The following PKD1L1 variants were observed in gnomAD, a reference collection of about 807,000 sequenced individuals.
PKD1L1 encodes the protein polycystin 1 like 1, transient receptor potential channel interacting, also known as polycystin-1-like protein 1.
PKD1L1 carries 236 observed loss-of-function variants against 323.4 expected under a neutral mutation model. The observed-to-expected ratio is 0.73, with a 90% CI of 0.66 to 0.81. The LOEUF is 0.81. Ranked by LOEUF, PKD1L1 falls within the 40% of genes least tolerant of loss-of-function variation. PKD1L1 has a pLI of 0.00. For synonymous variants in PKD1L1, 1,344 were observed against 1,335.0 expected, an observed-to-expected ratio of 1.01 and a Z score of -0.15; for missense variants, 3,320 against 3,508.0, an observed-to-expected ratio of 0.95 and a Z score of 1.35.
intron 8 of PKD1L1, among the ~76,000 whole-genome samples, chr7:47,909,300 G>A (rs35389440): frequency 0.18 from 26,728 of 152,110 alleles, 3,079 homozygotes; most frequent in African/African-American, 0.31. Flanking sequence ...CCTCTCAGCT[G>A]AGCTGGTTCC....
chr7:47,880,065 C>T lies in PKD1L1; in HGVS notation c.3520+663G>A, dbSNP rs192125668. Among the ~76,000 whole-genome samples, 451 of 150,428 alleles carry T rather than the reference C, an allele frequency of 3.0e-3. 1 individual carries two copies. Among genetic ancestry groups the T allele is most frequent in the Non-Finnish European group, 4.7e-3 (318 of 67,780 alleles). On this transcript the variant is annotated intron_variant, in intron 21 of 56. Transcript: ENST00000289672. Reference sequence around the variant, plus strand: ...TCTCAGATTGAGATAGGCATGGAAACGCAAGAAGGAATGCAGAGCAAGGGT... The same window carrying T: ...TCTCAGATTGAGATAGGCATGGAAATGCAAGAAGGAATGCAGAGCAAGGGT...
intron 44 of PKD1L1, among the ~76,000 whole-genome samples, chr7:47,827,732 A>T (rs1384136644): frequency 6.6e-6 from 1 of 152,170 alleles, no homozygotes; most frequent in South Asian, 2.1e-4. Context: ...TATTACAAAG[A>T]GCTGCTGTAC....
At chr7:47,847,243 T>G (rs1785685593) in intron 31 of PKD1L1, among the ~76,000 whole-genome samples, 172 bp from the exon 32 acceptor site, 1 of 152,188 alleles carries the variant, frequency 6.6e-6, no homozygotes, top group Non-Finnish European at 1.5e-5. Flanking sequence ...GCATTTAAAT[T>G]TGGATTAAAT....
At chr7:47,929,885 G>A (rs965662823) in intron 6 of PKD1L1, among the ~76,000 whole-genome samples, 6 of 152,312 alleles carry the variant, frequency 3.9e-5, no homozygotes, top group Admixed American at 6.5e-5. Context: ...TGATTTAATA[G>A]ACACGAAAGA....
chr7:47,866,443 T>C lies in PKD1L1; in HGVS notation c.4068A>G (p.Val1356=), dbSNP rs774772164. The C allele has an allele frequency of 1.9e-6, 3 of 1,613,608 alleles. No homozygotes were observed. The highest frequency in any genetic ancestry group is 3.3e-5 in the Admixed American group (2 of 59,936). Reference sequence around the variant, plus strand: ...CCTGATCTACAAAAGCCAATCTGCATACTGAAGAAATTAATGCATCCTGTA... The same window carrying C: ...CCTGATCTACAAAAGCCAATCTGCACACTGAAGAAATTAATGCATCCTGTA... ...SRIQDALISS[V]CRLAFVDQEE... is the part of the protein sequence containing the mutation. The change falls in exon 25 of 57, where the codon GTA becomes GTG. Residue 1356 remains valine (V), a synonymous_variant. Transcript: ENST00000289672.
chr7:47,825,616 T>G (rs1228536595), intron 45 of PKD1L1, among the ~76,000 whole-genome samples: 1 of 152,186 alleles, frequency 6.6e-6, no homozygotes, highest in Non-Finnish European at 1.5e-5. Context: ...ACAAATAGTT[T>G]CTTTTTACGT....
At chr7:47,907,814 T>C (rs148017400) in intron 9 of PKD1L1, among the ~76,000 whole-genome samples, 1 of 152,318 alleles carries the variant, frequency 6.6e-6, no homozygotes, top group East Asian at 1.9e-4. Flanking sequence ...TAATGTCGTG[T>C]CTCATCTTGC....
At chr7:47,816,929 T>C (rs904575638) in intron 46 of PKD1L1, among the ~76,000 whole-genome samples, 2 of 152,150 alleles carry the variant, frequency 1.3e-5, no homozygotes, top group Non-Finnish European at 2.9e-5. Flanking sequence ...TGATGTCACA[T>C]TGGTGGTGTG....
intron 45 of PKD1L1, among the ~76,000 whole-genome samples, chr7:47,826,645 C>T (rs1033543542): frequency 3.9e-5 from 6 of 151,986 alleles, no homozygotes; most frequent in African/African-American, 1.2e-4. Context: ...ATTCATGTTC[C>T]GAATTTGAAG....
At position 47,783,933 on chromosome 7, in the gene PKD1L1, A is replaced by G. The variant is rs763747643; in HGVS notation, c.8526+8694T>C. Among the ~76,000 whole-genome samples, 5 of 152,360 alleles carry G rather than the reference A, an allele frequency of 3.3e-5. No individual in the cohort carries two copies. The East Asian group carries it at 9.6e-4, about 29-fold the overall frequency. ...TCAAAAAGAAGCCAGCCGACAGTGT[A>G]TTTTAGTCCTTGAGAATTCAACTTT... On this transcript the variant is annotated intron_variant, in intron 56 of 56. Transcript: ENST00000289672.
chr7:47,947,393 G>A (rs1388094736), intron 1 of PKD1L1, among the ~76,000 whole-genome samples: 1 of 152,246 alleles, frequency 6.6e-6, no homozygotes, highest in Non-Finnish European at 1.5e-5. Flanking sequence ...TGGGGGTGAG[G>A]AGGTAAAGTG....
intron 31 of PKD1L1, among the ~76,000 whole-genome samples, chr7:47,850,042 TAA>T: frequency 1.3e-5 from 2 of 152,146 alleles, no homozygotes; most frequent in South Asian, 4.1e-4. Flanking sequence ...GGGTGAGAGA[TAA>T]AAGACTACAC....
At chr7:47,904,951 C>G (rs114861056) in intron 11 of PKD1L1, among the ~76,000 whole-genome samples, 1 of 152,214 alleles carries the variant, frequency 6.6e-6, no homozygotes, top group East Asian at 1.9e-4. Flanking sequence ...AGCCCTACAC[C>G]GTTTCCCTTA....
intron 53 of PKD1L1, among the ~76,000 whole-genome samples, 165 bp downstream of exon 53, chr7:47,803,045 T>C (rs941544118): frequency 6.6e-6 from 1 of 152,242 alleles, no homozygotes; most frequent in Non-Finnish European, 1.5e-5. Context: ...ACTATGTAAC[T>C]ATTGATATCA....
intron 46 of PKD1L1, among the ~76,000 whole-genome samples, chr7:47,820,506 C>T (rs529577141): frequency 6.6e-6 from 1 of 152,272 alleles, no homozygotes; most frequent in East Asian, 1.9e-4. Flanking sequence ...GGGTGGATCA[C>T]TTGAGGTCAG....
chr7:47,884,855 C>T (rs1583647556), intron 18 of PKD1L1, among the ~76,000 whole-genome samples, 198 bp from the exon 19 acceptor site: 1 of 152,042 alleles, frequency 6.6e-6, no homozygotes, highest in Admixed American at 6.6e-5. Context: ...TTCATTGCCC[C>T]GGGGCCCCAG....
chr7:47,783,113 G>C (rs1183209230), intron 56 of PKD1L1, among the ~76,000 whole-genome samples: 10 of 152,058 alleles, frequency 6.6e-5, no homozygotes, highest in African/African-American at 1.4e-4. Context: ...AAAGCCATTG[G>C]GAGTATACAT....
At position 47,846,925 on chromosome 7, in the gene PKD1L1, G is replaced by A. The variant is rs759520852; in HGVS notation, c.5107C>T (p.Arg1703Cys). Reference sequence around the variant, plus strand: ...GAAGTCCCTGGTTGTGGAGAGAAACGTTCAGATTTCCACTCTCTCTTGTCC... The same window carrying A: ...GAAGTCCCTGGTTGTGGAGAGAAACATTCAGATTTCCACTCTCTCTTGTCC... Reference protein sequence around the residue: ...FWDKREWKSERFSPQPGTSPE... With the variant: ...FWDKREWKSECFSPQPGTSPE... Residue 1703 changes from arginine (R) to cysteine (C), a missense_variant, in exon 32 of 57, where the codon CGT becomes TGT. Physicochemically the swap from Arg to Cys is radical, Grantham distance 180. Transcript: ENST00000289672. 61 of 1,613,572 alleles carry A rather than the reference G, an allele frequency of 3.8e-5. No homozygotes were observed. The highest frequency in any genetic ancestry group is 1.6e-4 in the Middle Eastern group (1 of 6,062).
intron 8 of PKD1L1, among the ~76,000 whole-genome samples, chr7:47,911,732 C>A (rs1470701285): frequency 1.3e-5 from 2 of 152,066 alleles, no homozygotes; most frequent in Non-Finnish European, 2.9e-5. Context: ...AAATATCAAG[C>A]ATGCATGAGC....
Sources: allele counts gnomAD v4.1 joint callset (sites outside exome capture counted in the v4.1 genomes callset), GRCh38; gene constraint gnomAD v4.1.1; transcripts MANE v1.5; gene names NCBI Gene and HGNC (gene_info 2026-07-23, HGNC 2026-07-21).